ANKH: variants seen among roughly 807,000 people sequenced by gnomAD.
The protein encoded by ANKH is mineralization regulator ANKH.
ANKH carries 15 observed loss-of-function variants against 49.0 expected under a neutral mutation model. The ratio of observed to expected loss-of-function variants is 0.31; its 90% CI spans 0.20 to 0.47. The LOEUF (loss-of-function observed/expected upper bound fraction) is 0.47. ANKH is among the 20% of genes least tolerant of loss of function. ANKH has a pLI of 1.00. For missense variants in ANKH, 429 were observed against 652.0 expected (o/e 0.66, Z 3.72); for synonymous variants, 273 against 260.0 (o/e 1.05, Z -0.48).
intron 8 of ANKH, 112 bp from the exon 9 acceptor site, chr5:14,716,947 T>C: frequency 7.1e-7 from 1 of 1,399,656 alleles, no homozygotes; most frequent in East Asian, 2.5e-5. Context: ...ACAACCGGCC[T>C]GACTGGGTGG....
chr5:14,745,134 T>C lies in ANKH; in HGVS notation c.915+736A>G, dbSNP rs965868249. Among the ~76,000 whole-genome samples the C allele has an allele frequency of 1.3e-5, 2 of 152,236 alleles. No individual in the cohort carries two copies. ...AACAGGTGCCCTTCACGGTAAGAAGTAGCAGTCTGTTTGCTTCCTTCCTGT... is the reference window on the plus strand; with the variant it reads ...AACAGGTGCCCTTCACGGTAAGAAGCAGCAGTCTGTTTGCTTCCTTCCTGT... On this transcript the variant is annotated intron_variant, in intron 7 of 11. Coordinates refer to ENST00000284268, the MANE Select transcript of ANKH (RefSeq NM_054027.6). The surrounding 1 kb of genome is among the most constrained non-coding windows in gnomAD (Gnocchi z 4.7).
chr5:14,823,776 A>G (rs1318190495), intron 1 of ANKH, among the ~76,000 whole-genome samples: 3 of 152,136 alleles, frequency 2.0e-5, no homozygotes, highest in Admixed American at 2.0e-4. Flanking sequence ...AAAATATAAA[A>G]ATTAGCCAGG....
At chr5:14,787,873 T>G (rs1740030471) in intron 1 of ANKH, among the ~76,000 whole-genome samples, 1 of 152,202 alleles carries the variant, frequency 6.6e-6, no homozygotes, top group Non-Finnish European at 1.5e-5. Flanking sequence ...AAGACAGCCA[T>G]GACGCTCCCA....
At chr5:14,785,851 G>C (rs1358888235) in intron 1 of ANKH, among the ~76,000 whole-genome samples, 1 of 151,712 alleles carries the variant, frequency 6.6e-6, no homozygotes, top group Non-Finnish European at 1.5e-5. Context: ...TCAGGAGTTT[G>C]AGACCAAGAT....
intron 9 of ANKH, among the ~76,000 whole-genome samples, 200 bp downstream of exon 9, chr5:14,716,506 A>G (rs1014948681): frequency 1.3e-5 from 2 of 152,148 alleles, no homozygotes; most frequent in African/African-American, 4.8e-5. Flanking sequence ...AAATAAATAA[A>G]TAAATAAATA....
At chr5:14,846,433 G>T (rs1267517758) in intron 1 of ANKH, among the ~76,000 whole-genome samples, 2 of 152,152 alleles carry the variant, frequency 1.3e-5, no homozygotes, top group African/African-American at 4.8e-5. Flanking sequence ...AGTAGAGTTT[G>T]GACTAGGATA....
intron 2 of ANKH, among the ~76,000 whole-genome samples, chr5:14,766,729 G>T (rs1375222924): frequency 6.6e-6 from 1 of 152,306 alleles, no homozygotes; most frequent in Non-Finnish European, 1.5e-5. Flanking sequence ...TGTGAATTCA[G>T]CATGTTGAAT....
At chr5:14,769,500 TA>T (rs60642897) in intron 1 of ANKH, among the ~76,000 whole-genome samples, 3,399 of 152,228 alleles carry the variant, frequency 0.022, 134 homozygotes, top group African/African-American at 0.077. Flanking sequence ...TTGATTTTTT[TA>T]AAAAAACAAA....
chr5:14,736,024 T>TTA (rs1738171241), intron 8 of ANKH, among the ~76,000 whole-genome samples: 1 of 130,428 alleles, frequency 7.7e-6, no homozygotes, highest in Non-Finnish European at 1.8e-5. Flanking sequence ...TTTTTTTTTT[T>TTA]TTTTTTTTTT....
intron 1 of ANKH, among the ~76,000 whole-genome samples, chr5:14,808,012 T>C (rs986617546): frequency 6.6e-6 from 1 of 152,254 alleles, no homozygotes; most frequent in Non-Finnish European, 1.5e-5. Flanking sequence ...TTTATGAAAT[T>C]GTTTTGCAAA....
intron 1 of ANKH, among the ~76,000 whole-genome samples, chr5:14,829,294 C>A (rs1741439494): frequency 6.6e-6 from 1 of 151,444 alleles, no homozygotes; most frequent in Admixed American, 6.6e-5. Context: ...ACAAGAGAAT[C>A]CAGAAAGGCT....
intron 8 of ANKH, among the ~76,000 whole-genome samples, chr5:14,717,640 A>C (rs2126417788): frequency 6.6e-6 from 1 of 152,330 alleles, no homozygotes; most frequent in South Asian, 2.1e-4. Flanking sequence ...ATTTGACAGG[A>C]AACAGGAGGT....
intron 3 of ANKH, among the ~76,000 whole-genome samples, chr5:14,756,385 C>CTTGCTCA (rs1355986160): frequency 1.3e-5 from 2 of 152,156 alleles, no homozygotes; most frequent in Admixed American, 1.3e-4. Context: ...CTGATTAGGG[C>CTTGCTCA]CTACTGTTTT....
intron 8 of ANKH, among the ~76,000 whole-genome samples, chr5:14,726,919 C>T (rs985590376): frequency 3.3e-5 from 5 of 152,200 alleles, no homozygotes; most frequent in Non-Finnish European, 4.4e-5. Context: ...TGCAAAGCCA[C>T]GTGTTCCCGA....
At chr5:14,796,384 C>T (rs1200900585) in intron 1 of ANKH, among the ~76,000 whole-genome samples, 1 of 150,098 alleles carries the variant, frequency 6.7e-6, no homozygotes, top group Non-Finnish European at 1.5e-5. Context: ...CTCTTCTCAA[C>T]TTGACAATCT....
At chr5:14,849,061 T>C (rs1184531035) in intron 1 of ANKH, among the ~76,000 whole-genome samples, 1 of 152,200 alleles carries the variant, frequency 6.6e-6, no homozygotes, top group Non-Finnish European at 1.5e-5. Flanking sequence ...CTTCCCCAGC[T>C]AGGCTTAGGA....
chr5:14,812,859 C>G (rs982378250), intron 1 of ANKH, among the ~76,000 whole-genome samples: 1 of 152,204 alleles, frequency 6.6e-6, no homozygotes, highest in African/African-American at 2.4e-5. Context: ...TATCTAGAAA[C>G]AGACATTCAG....
At chr5:14,724,036 G>A (rs983710598) in intron 8 of ANKH, among the ~76,000 whole-genome samples, 6 of 152,104 alleles carry the variant, frequency 3.9e-5, no homozygotes, top group African/African-American at 1.4e-4. Context: ...TAACATTTTT[G>A]TCCAGGAGTG....
intron 1 of ANKH, among the ~76,000 whole-genome samples, chr5:14,789,434 G>A (rs1580069389): frequency 6.8e-6 from 1 of 147,576 alleles, no homozygotes; most frequent in African/African-American, 2.5e-5. Flanking sequence ...AATTCATGTT[G>A]TGCTCTCAGA....
Sources: allele counts gnomAD v4.1 joint callset (sites outside exome capture counted in the v4.1 genomes callset), GRCh38; gene constraint gnomAD v4.1.1; non-coding constraint Gnocchi (gnomAD v3.1); transcripts MANE v1.5; gene names NCBI Gene and HGNC (gene_info 2026-07-23, HGNC 2026-07-21).